HIBADH: variants seen among roughly 807,000 people sequenced by gnomAD.
HIBADH encodes 3-hydroxyisobutyrate dehydrogenase, also known as 3-hydroxyisobutyrate dehydrogenase, mitochondrial.
A neutral mutation model predicts 36.1 loss-of-function variants in HIBADH; 25 were observed. The observed-to-expected ratio is 0.69, with a 90% CI of 0.50 to 0.97. HIBADH has a LOEUF of 0.97. Among genes scored for constraint, HIBADH ranks in the 50% least tolerant of loss-of-function variants. HIBADH has a pLI of 0.00. For missense variants in HIBADH, 421 were observed against 418.0 expected, an observed-to-expected ratio of 1.01 and a Z score of -0.06; for synonymous variants, 160 against 149.5, an observed-to-expected ratio of 1.07 and a Z score of -0.51.
intron 4 of HIBADH, among the ~76,000 whole-genome samples, chr7:27,543,842 A>G (rs1001317465): frequency 6.7e-6 from 1 of 149,812 alleles, no homozygotes; most frequent in Admixed American, 6.6e-5. Flanking sequence ...GGCTTAATGC[A>G]TGTTCATTCA....
At chr7:27,595,760 T>G (rs765452151) in intron 4 of HIBADH, among the ~76,000 whole-genome samples, 1 of 152,114 alleles carries the variant, frequency 6.6e-6, no homozygotes, top group Non-Finnish European at 1.5e-5. Context: ...TGGCAAACTG[T>G]AAGTACTCAA....
At chr7:27,571,847 A>C (rs2128188175) in intron 4 of HIBADH, among the ~76,000 whole-genome samples, 1 of 152,320 alleles carries the variant, frequency 6.6e-6, no homozygotes. Flanking sequence ...TTGGATGAGT[A>C]ATTTAAATTT....
intron 6 of HIBADH, 138 bp from the exon 7 acceptor site, chr7:27,531,486 G>T: frequency 2.9e-6 from 2 of 687,140 alleles, no homozygotes; most frequent in Non-Finnish European, 2.2e-6. Flanking sequence ...TGATACGAGA[G>T]TGAAGAATCC....
At chr7:27,578,392 T>G (rs758242684) in intron 4 of HIBADH, among the ~76,000 whole-genome samples, 1 of 152,048 alleles carries the variant, frequency 6.6e-6, no homozygotes, top group Non-Finnish European at 1.5e-5. Flanking sequence ...CTCAGCTCAC[T>G]GCAACCTCCG....
chr7:27,571,680 GAGCTTACA>G lies in HIBADH; in HGVS notation c.485-28588_485-28581del, dbSNP rs570947053. Among the ~76,000 whole-genome samples, 488 of 151,982 alleles carry G rather than the reference GAGCTTACA, an allele frequency of 3.2e-3. 4 individuals are homozygous for G. The highest frequency in any genetic ancestry group is 0.011 in the African/African-American group (459 of 41,434). ...TGTCTGGTAATTTTTTTTTAACTGTGAGCTTACATTTATTGTACTTGATATTTATGAGT... is the reference window on the plus strand; with the variant it reads ...TGTCTGGTAATTTTTTTTTAACTGTGTTTATTGTACTTGATATTTATGAGT... On this transcript the variant is annotated intron_variant, in intron 4 of 7. Coordinates refer to ENST00000265395, the MANE Select transcript of HIBADH (RefSeq NM_152740.4).
intron 1 of HIBADH, among the ~76,000 whole-genome samples, chr7:27,655,726 T>G (rs6975597): frequency 5.5e-4 from 77 of 141,198 alleles, no homozygotes; most frequent in African/African-American, 1.9e-3. Flanking sequence ...AATCACAAAA[T>G]GACAACAGAA....
At chr7:27,655,068 T>C (rs552064245) in intron 1 of HIBADH, among the ~76,000 whole-genome samples, 3 of 152,278 alleles carry the variant, frequency 2.0e-5, no homozygotes, top group South Asian at 4.1e-4. Context: ...GTACAACTTA[T>C]CATATATCAC....
In HIBADH at chr7:27,616,690, G is replaced by A. The variant is rs377722885; in HGVS notation, c.484+12681C>T. 2.4e-3 allele frequency among the ~76,000 whole-genome samples: 364 copies of A among 152,074 alleles called. 3 individuals carry two copies. Among genetic ancestry groups the A allele is most frequent in the African/African-American group, 8.3e-3 (343 of 41,490 alleles). On this transcript the variant is annotated intron_variant, in intron 4 of 7. Transcript: ENST00000265395. ...TTACCCAGGCTGGTCTTGAACTTCC[G>A]GGCTCAAGTGATGTGCTCGCCTTGG...
intron 4 of HIBADH, among the ~76,000 whole-genome samples, chr7:27,566,453 T>C (rs1368853910): frequency 6.6e-6 from 1 of 151,038 alleles, no homozygotes; most frequent in African/African-American, 2.5e-5. Flanking sequence ...TTCCTGACAC[T>C]GGTAATTTGT....
intron 4 of HIBADH, among the ~76,000 whole-genome samples, chr7:27,624,089 C>T (rs997920500): frequency 6.6e-6 from 1 of 152,150 alleles, no homozygotes; most frequent in East Asian, 1.9e-4. Context: ...TAAGCCACCG[C>T]ATGCCCGGCC....
At chr7:27,596,065 A>C (rs1785027798) in intron 4 of HIBADH, among the ~76,000 whole-genome samples, 1 of 152,166 alleles carries the variant, frequency 6.6e-6, no homozygotes, top group Non-Finnish European at 1.5e-5. Context: ...AAAACATCTG[A>C]CACTGGGTAA....
chr7:27,605,930 G>C (rs1219349674), intron 4 of HIBADH, among the ~76,000 whole-genome samples: 3 of 152,100 alleles, frequency 2.0e-5, no homozygotes, highest in Admixed American at 6.6e-5. Context: ...AAACTGAGCT[G>C]TTCTATGAAA....
At chr7:27,580,477 ATAGT>A (rs1488686348) in intron 4 of HIBADH, among the ~76,000 whole-genome samples, 1 of 152,224 alleles carries the variant, frequency 6.6e-6, no homozygotes, top group African/African-American at 2.4e-5. Context: ...TCAGGTGAGG[ATAGT>A]TACAGTAAAT....
intron 4 of HIBADH, among the ~76,000 whole-genome samples, chr7:27,594,146 T>TG (rs11408852): frequency 0.66 from 80,004 of 120,698 alleles, 24,570 homozygotes; most frequent in African/African-American, 0.83. Context: ...ATGTTTTTGT[T>TG]TTTTTGTTTT....
intron 4 of HIBADH, among the ~76,000 whole-genome samples, chr7:27,577,093 T>C (rs919427064): frequency 7.9e-5 from 12 of 152,190 alleles, no homozygotes; most frequent in Middle Eastern, 6.8e-3. Context: ...TTAAAGAGAT[T>C]TCTATAACAA....
intron 2 of HIBADH, among the ~76,000 whole-genome samples, chr7:27,633,708 A>C (rs921195227): frequency 2.0e-5 from 3 of 151,990 alleles, no homozygotes; most frequent in African/African-American, 7.3e-5. Context: ...AACTGTCACA[A>C]CATCTTCTGC....
At chr7:27,560,242 C>T (rs1583569491) in intron 4 of HIBADH, among the ~76,000 whole-genome samples, 2 of 152,226 alleles carry the variant, frequency 1.3e-5, no homozygotes, top group African/African-American at 4.8e-5. Context: ...CTGTCTCAAC[C>T]TTCCAAGTAG....
chr7:27,551,505 C>T (rs550799140), intron 4 of HIBADH, among the ~76,000 whole-genome samples: 1 of 152,246 alleles, frequency 6.6e-6, no homozygotes, highest in South Asian at 2.1e-4. Context: ...AGTCTTTGAT[C>T]TAACAGTAGG....
chr7:27,543,136 G>T, intron 4 of HIBADH, 36 bp from the exon 5 acceptor site: 1 of 1,606,596 alleles, frequency 6.2e-7, no homozygotes, highest in Non-Finnish European at 8.5e-7. Flanking sequence ...AGAAGCAAAA[G>T]AATATATTTC....
Sources: allele counts gnomAD v4.1 joint callset (sites outside exome capture counted in the v4.1 genomes callset), GRCh38; gene constraint gnomAD v4.1.1; transcripts MANE v1.5; gene names NCBI Gene and HGNC (gene_info 2026-07-23, HGNC 2026-07-21).